FSD1L: variants seen among roughly 807,000 people sequenced by gnomAD.
FSD1L encodes FSD1-like protein.
Under a neutral mutation model 71.6 loss-of-function variants are expected in FSD1L, and 45 were observed. The observed-to-expected ratio is 0.63, with a 90% CI of 0.49 to 0.81. FSD1L has a LOEUF of 0.81. Among genes scored for constraint, FSD1L ranks in the 30% least tolerant of loss-of-function variants. The pLI is 0.00. For missense variants in FSD1L, 561 were observed against 618.1 expected (o/e 0.91, Z 0.98); for synonymous variants, 197 against 207.2 (o/e 0.95, Z 0.42).
chr9:105,520,248 C>T lies in FSD1L; in HGVS notation c.1025+7312C>T, dbSNP rs1158351164. On this transcript the variant is annotated intron_variant, in intron 10 of 13. Coordinates refer to ENST00000481272, the MANE Select transcript of FSD1L (RefSeq NM_001145313.3). ...CATCGTCATCGAGTTAATGGTGGAA[C>T]TGGCTGAAGAAGATGCATTCATCCA... 5.6e-6 allele frequency: 9 copies of T among 1,606,520 alleles called. No homozygotes were observed. In the Admixed American group the frequency reaches 8.4e-5, roughly 15 times the overall value.
chr9:105,461,601 A>C lies in FSD1L; in HGVS notation c.97A>C (p.Ile33Leu). The change falls in exon 2 of 14, where the codon ATT (isoleucine) becomes CTT (leucine). Residue 33 changes from isoleucine to leucine, a missense_variant. This residue lies in a region of FSD1L where 410 missense variants were observed against 413.5 expected (regional missense o/e 0.99). Transcript: ENST00000481272. ...TAACATCACTATTGGACCAGAGTCT[A>C]TTAACTTGCAGCAGGTTGGTAGCTC... Reference protein sequence around the residue: ...ISNITIGPESINLQQEALQRI... With the variant: ...ISNITIGPESLNLQQEALQRI... 1 of 1,549,482 alleles carries C rather than the reference A, an allele frequency of 6.5e-7. No individual in the cohort carries two copies. The highest frequency in any genetic ancestry group is 8.7e-7 in the Non-Finnish European group (1 of 1,144,724).
upstream of FSD1L, among the ~76,000 whole-genome samples, chr9:105,443,523 T>C (rs1829578152): frequency 6.6e-6 from 1 of 152,134 alleles, no homozygotes; most frequent in Non-Finnish European, 1.5e-5. Flanking sequence ...CCAAACCATA[T>C]CACCCTCCTG....
chr9:105,453,268 G>A (rs1340550247), intron 1 of FSD1L, among the ~76,000 whole-genome samples: 1 of 151,990 alleles, frequency 6.6e-6, no homozygotes, highest in African/African-American at 2.4e-5. Context: ...TGCAACCTCT[G>A]CTTCCTGGGT....
intron 7 of FSD1L, among the ~76,000 whole-genome samples, chr9:105,503,344 CTA>C (rs1171899888): frequency 2.0e-5 from 3 of 151,942 alleles, no homozygotes; most frequent in African/African-American, 4.8e-5. Context: ...ATAATGTATC[CTA>C]TAGTACATTA....
intron 10 of FSD1L, chr9:105,523,040 T>C: frequency 5.6e-6 from 9 of 1,614,210 alleles, no homozygotes; most frequent in Non-Finnish European, 7.6e-6. Context: ...ATTTTGGCTT[T>C]GGAGCCGACA....
chr9:105,492,959 A>G (rs1201627908), intron 7 of FSD1L, among the ~76,000 whole-genome samples: 1 of 152,144 alleles, frequency 6.6e-6, no homozygotes, highest in East Asian at 1.9e-4. Flanking sequence ...TGTGGTGCTG[A>G]AAAAAATGTA....
upstream of FSD1L, among the ~76,000 whole-genome samples, chr9:105,447,324 C>A (rs1412305734): frequency 4.9e-5 from 3 of 61,550 alleles, no homozygotes; most frequent in South Asian, 9.9e-4. Context: ...ACTCCATCTC[C>A]AAAAAAAAAA....
upstream of FSD1L, among the ~76,000 whole-genome samples, chr9:105,446,417 T>A (rs1267146333): frequency 6.6e-6 from 1 of 152,170 alleles, no homozygotes; most frequent in Non-Finnish European, 1.5e-5. Flanking sequence ...CAGGCTGGAG[T>A]GCAGTGGTGT....
At chr9:105,495,572 G>C (rs145609007) in intron 7 of FSD1L, among the ~76,000 whole-genome samples, 1,805 of 152,348 alleles carry the variant, frequency 0.012, 53 homozygotes, top group African/African-American at 0.042. Flanking sequence ...TGGAAATGCA[G>C]AAATCACCTG....
At chr9:105,485,328 A>T (rs188542117) in intron 7 of FSD1L, among the ~76,000 whole-genome samples, 1 of 152,084 alleles carries the variant, frequency 6.6e-6, no homozygotes, top group Admixed American at 6.5e-5. Flanking sequence ...CAAAAAAGGC[A>T]AAACAAGAGA....
upstream of FSD1L, among the ~76,000 whole-genome samples, chr9:105,443,508 T>C (rs1256497724): frequency 2.6e-5 from 4 of 152,168 alleles, no homozygotes; most frequent in Admixed American, 6.5e-5. Flanking sequence ...TGGGTGGGGA[T>C]GCAGCCAAAC....
chr9:105,520,572 T>G, intron 10 of FSD1L: 1 of 1,364,990 alleles, frequency 7.3e-7, no homozygotes, highest in Non-Finnish European at 1.0e-6. Context: ...GGCAGTTTCA[T>G]AATATTGGAT....
chr9:105,515,145 G>T (rs965444224), intron 10 of FSD1L, among the ~76,000 whole-genome samples: 1 of 152,140 alleles, frequency 6.6e-6, no homozygotes, highest in African/African-American at 2.4e-5. Context: ...TCTGGTGCGA[G>T]AAGGGCAGCT....
chr9:105,521,092 T>G (rs1339188421), intron 10 of FSD1L: 1 of 1,613,690 alleles, frequency 6.2e-7, no homozygotes, highest in Non-Finnish European at 8.5e-7. Flanking sequence ...CATTATGTCA[T>G]GATAAAGAAA....
chr9:105,497,466 G>GA (rs1445572184), intron 7 of FSD1L, among the ~76,000 whole-genome samples: 1 of 152,180 alleles, frequency 6.6e-6, no homozygotes, highest in East Asian at 1.9e-4. Context: ...AAGTATGGTA[G>GA]AATTCACCAG....
At position 105,551,382 on chromosome 9, in the gene FSD1L, A is replaced by G. The variant is rs1211782331; in HGVS notation, c.*4899A>G. ...GTGACCGCTACACAAATTGTTTATC[A>G]TCTTTGGGTCTCTATTGCCTTCTTT... On this transcript the variant is annotated 3_prime_UTR_variant, in exon 14 of 14. Coordinates refer to ENST00000481272, the MANE Select transcript of FSD1L (RefSeq NM_001145313.3). 2 of 151,984 alleles carry G rather than the reference A, an allele frequency of 1.3e-5. No individual in the cohort carries two copies. 9.4% of individuals were successfully genotyped at this position (151,984 alleles called of 1,614,324 possible).
At chr9:105,450,393 G>T (rs1029305479) in intron 1 of FSD1L, among the ~76,000 whole-genome samples, 2 of 152,204 alleles carry the variant, frequency 1.3e-5, no homozygotes, top group African/African-American at 2.4e-5. Flanking sequence ...GTAAGAGGAT[G>T]GCTCTGGAGC....
At chr9:105,542,568 C>G (rs1011555906) in intron 13 of FSD1L, among the ~76,000 whole-genome samples, 1 of 152,172 alleles carries the variant, frequency 6.6e-6, no homozygotes, top group African/African-American at 2.4e-5. Flanking sequence ...ATCCTCCCAC[C>G]TTAGCCTCCC....
intron 10 of FSD1L, among the ~76,000 whole-genome samples, chr9:105,534,175 G>C (rs964989774): frequency 6.6e-6 from 1 of 152,080 alleles, no homozygotes; most frequent in Admixed American, 6.5e-5. Flanking sequence ...TCTTTCTTGA[G>C]TTCTTTTTTT....
Sources: gnomAD v4.1 joint callset for allele counts (sites outside exome capture counted in the v4.1 genomes callset) on GRCh38, gnomAD v4.1.1 for gene constraint, gnomAD v4.1.1 regional missense constraint, MANE v1.5 for transcripts, NCBI Gene and HGNC (gene_info 2026-07-23, HGNC 2026-07-21) for gene names.